The following COBL variants were observed in gnomAD, a reference collection of about 807,000 sequenced individuals.
The protein encoded by COBL is cordon-bleu WH2 repeat protein.
In COBL, 51 loss-of-function variants were observed where a neutral mutation model predicts 98.8. That is an observed-to-expected ratio of 0.52 (90% confidence interval 0.41 to 0.65). The LOEUF (loss-of-function observed/expected upper bound fraction) is 0.65, where lower values mean the gene tolerates loss of function less well. Ranked by LOEUF, COBL falls within the 30% of genes least tolerant of loss-of-function variation. The pLI is 0.00. For synonymous variants in COBL, 634 were observed against 651.7 expected, an observed-to-expected ratio of 0.97 and a Z score of 0.41; for missense variants, 1,617 against 1,617.5, an observed-to-expected ratio of 1.00 and a Z score of 0.01.
At chr7:51,228,371 T>C (rs1297944519) in intron 1 of COBL, among the ~76,000 whole-genome samples, 3 of 150,334 alleles carry the variant, frequency 2.0e-5, no homozygotes, top group Non-Finnish European at 3.0e-5. Flanking sequence ...ATTTTTTTAC[T>C]ATTATTATTA....
chr7:51,225,533 A>T (rs1033776595), intron 1 of COBL, among the ~76,000 whole-genome samples: 1 of 152,210 alleles, frequency 6.6e-6, no homozygotes, highest in Non-Finnish European at 1.5e-5. Flanking sequence ...CAGGGAATGA[A>T]TCACAGCACA....
chr7:51,072,798 A>G (rs1792695943), intron 7 of COBL: 1 of 152,264 alleles, frequency 6.6e-6, no homozygotes, highest in Admixed American at 6.5e-5. Flanking sequence ...CAGTAACAGG[A>G]AAACCTCAAA....
intron 5 of COBL, among the ~76,000 whole-genome samples, chr7:51,180,343 G>A (rs1714712956): frequency 6.6e-6 from 1 of 152,184 alleles, no homozygotes; most frequent in African/African-American, 2.4e-5. Context: ...CTTTCTGACA[G>A]GCCCAGTAAT....
intron 5 of COBL, among the ~76,000 whole-genome samples, chr7:51,158,428 C>T (rs746329237): frequency 5.3e-5 from 8 of 151,956 alleles, no homozygotes; most frequent in Non-Finnish European, 1.0e-4. Context: ...GTAACCATCG[C>T]TCAACAGGAA....
chr7:51,179,495 C>T (rs1341276224), intron 5 of COBL, among the ~76,000 whole-genome samples: 1 of 151,948 alleles, frequency 6.6e-6, no homozygotes, highest in East Asian at 1.9e-4. Context: ...TGTGAGCCAC[C>T]GCGCCCAGCC....
chr7:51,039,610 C>T (rs191028625), intron 8 of COBL, among the ~76,000 whole-genome samples: 60 of 152,322 alleles, frequency 3.9e-4, no homozygotes, highest in African/African-American at 1.3e-3. Flanking sequence ...ATGTGTGAAT[C>T]GATATTTTTC....
chr7:51,028,060 G>A lies in COBL; in HGVS notation c.3036C>T (p.Pro1012=). Reference sequence around the variant, plus strand: ...GGTCTGTACCATCAGGTGCGCGTCTGGGCTCAGATGCTGAGCTGGCCTCCT... The same window carrying A: ...GGTCTGTACCATCAGGTGCGCGTCTAGGCTCAGATGCTGAGCTGGCCTCCT... ...SSQEASSASE[P]RRAPDGTDPP... The change falls in exon 10 of 13, where the codon CCC becomes CCT. Residue 1012 remains proline (P), a synonymous_variant. Transcript: ENST00000265136. 6.2e-7 allele frequency: 1 copy of A among 1,612,440 alleles called. No homozygotes were observed. Among genetic ancestry groups the A allele is most frequent in the Non-Finnish European group, 8.5e-7 (1 of 1,179,174 alleles).
At chr7:51,100,285 G>C (rs1177397847) in intron 6 of COBL, among the ~76,000 whole-genome samples, 1 of 152,158 alleles carries the variant, frequency 6.6e-6, no homozygotes, top group African/African-American at 2.4e-5. Flanking sequence ...CAATTAACTA[G>C]CAAGGGGCTG....
At chr7:51,252,156 CTTTTG>C (rs1222022435) in intron 1 of COBL, among the ~76,000 whole-genome samples, 1 of 151,928 alleles carries the variant, frequency 6.6e-6, no homozygotes, top group Admixed American at 6.6e-5. Flanking sequence ...CTCCCCTGTG[CTTTTG>C]TTTTGTTTTC....
intron 5 of COBL, among the ~76,000 whole-genome samples, chr7:51,177,971 C>A (rs547668923): frequency 1.3e-5 from 2 of 151,802 alleles, no homozygotes; most frequent in Non-Finnish European, 2.9e-5. Context: ...TATGGTGAAA[C>A]CCGGTCTCTA....
chr7:51,264,513 A>G (rs1264335983), intron 1 of COBL, among the ~76,000 whole-genome samples: 2 of 151,990 alleles, frequency 1.3e-5, no homozygotes, highest in Non-Finnish European at 2.9e-5. Flanking sequence ...TCTACTAAAA[A>G]TACAAAAATT....
At chr7:51,285,562 C>T (rs982990221) in intron 1 of COBL, among the ~76,000 whole-genome samples, 4 of 152,108 alleles carry the variant, frequency 2.6e-5, no homozygotes, top group Non-Finnish European at 4.4e-5. Flanking sequence ...AGGTATAAGT[C>T]TAGTTGACAT....
intron 5 of COBL, among the ~76,000 whole-genome samples, chr7:51,148,747 A>G (rs1054058786): frequency 3.9e-5 from 6 of 152,276 alleles, no homozygotes; most frequent in Admixed American, 3.9e-4. Flanking sequence ...ATACCCCTTC[A>G]GAGCCAGGCC....
At chr7:51,225,033 C>T (rs918023561) in intron 1 of COBL, among the ~76,000 whole-genome samples, 6 of 152,064 alleles carry the variant, frequency 3.9e-5, no homozygotes, top group East Asian at 1.9e-4. Context: ...GGCCTGTGCA[C>T]GTGGATGGCC....
chr7:51,156,698 TCACACACACACACACACACACA>T lies in COBL; in HGVS notation c.784-20389_784-20368del, dbSNP rs68039377. ...TGTACAGTCAATAAAAAACCACCCT[TCACACACACACACACACACACA>T]CACACACACACACACACACACAATG... On this transcript the variant is annotated intron_variant, in intron 5 of 12. Transcript: ENST00000265136. 4.2e-3 allele frequency: 719 copies of T among 169,838 alleles called. 7 individuals carry two copies. The highest frequency in any genetic ancestry group is 0.028 in the Admixed American group (406 of 14,250). The allele number at this position is 169,838 out of a possible 1,614,324, so 10.5% of individuals were successfully genotyped here.
intron 7 of COBL, among the ~76,000 whole-genome samples, chr7:51,081,911 T>C (rs181154551): frequency 5.0e-4 from 76 of 152,064 alleles, no homozygotes; most frequent in African/African-American, 1.8e-3. Context: ...GTCTTTCTGA[T>C]TGATAAGCCT....
At chr7:51,295,408 TAAC>T (rs1232840081) in intron 1 of COBL, among the ~76,000 whole-genome samples, 1 of 151,398 alleles carries the variant, frequency 6.6e-6, no homozygotes, top group South Asian at 2.1e-4. Context: ...GGCAAAAAAA[TAAC>T]GATTAAAAAT....
At chr7:51,254,360 TA>T (rs1217277378) in intron 1 of COBL, among the ~76,000 whole-genome samples, 1 of 152,206 alleles carries the variant, frequency 6.6e-6, no homozygotes, top group Non-Finnish European at 1.5e-5. Context: ...GGTACAGAAG[TA>T]TTATTTGTGC....
In COBL at chr7:51,238,152, C is replaced by T. The variant is rs928082652; in HGVS notation, c.42-18208G>A. 4.6e-5 allele frequency among the ~76,000 whole-genome samples: 7 copies of T among 152,226 alleles called. No individual in the cohort carries two copies. The East Asian group carries it at 9.6e-4, about 21-fold the overall frequency. On this transcript the variant is annotated intron_variant, in intron 1 of 12. Transcript: ENST00000265136. Reference sequence around the variant, plus strand: ...AGCGGCTTTGGGGGTCTCCCTTGGCCGCCTCCAGGCCTTCCACTGTACTGG... The same window carrying T: ...AGCGGCTTTGGGGGTCTCCCTTGGCTGCCTCCAGGCCTTCCACTGTACTGG...
Sources: gnomAD v4.1 joint callset for allele counts (sites outside exome capture counted in the v4.1 genomes callset) on GRCh38, gnomAD v4.1.1 for gene constraint, MANE v1.5 for transcripts, NCBI Gene and HGNC (gene_info 2026-07-23, HGNC 2026-07-21) for gene names.